ATG2A: variants seen among roughly 807,000 people sequenced by gnomAD.
The protein encoded by ATG2A is autophagy-related protein 2 homolog A.
In ATG2A, 103 loss-of-function variants were observed where a neutral mutation model predicts 214.2. The ratio of observed to expected loss-of-function variants is 0.48; its 90% CI spans 0.41 to 0.57. ATG2A has a LOEUF of 0.57. ATG2A is among the 20% of genes least tolerant of loss of function. The probability of loss-of-function intolerance (pLI) is 0.00; values close to 1 mark genes in which losing one functional copy is unlikely to be tolerated. For synonymous variants in ATG2A, 1,160 were observed against 1,142.1 expected (o/e 1.02, Z -0.32); for missense variants, 2,312 against 2,613.2 (o/e 0.88, Z 2.51).
intron 24 of ATG2A, among the ~76,000 whole-genome samples, chr11:64,904,819 TCTA>T (rs577266860): frequency 0.036 from 2,394 of 66,666 alleles, 37 homozygotes; most frequent in African/African-American, 0.051. Flanking sequence ...ATATTTTTTA[TCTA>T]TCTATCTATC....
intron 1 of ATG2A, 41 bp downstream of exon 1, chr11:64,916,924 C>A (rs1945011719): frequency 6.2e-7 from 1 of 1,607,526 alleles, no homozygotes; most frequent in Non-Finnish European, 8.5e-7. Flanking sequence ...CGCTGCGCTC[C>A]CACCCTCCGC....
rs777140977 is a variant in ATG2A, at chr11:64,910,712, G to A, written c.1615-4C>T. 1 of 1,610,338 alleles carries A rather than the reference G, an allele frequency of 6.2e-7. No individual in the cohort carries two copies. Among genetic ancestry groups the A allele is most frequent in the South Asian group, 1.1e-5 (1 of 90,496 alleles). On this transcript the variant is annotated splice_polypyrimidine_tract_variant and splice_region_variant and intron_variant, in intron 11 of 40. Coordinates refer to ENST00000377264, the MANE Select transcript of ATG2A (RefSeq NM_015104.3). Reference sequence around the variant, plus strand: ...GCGTACCAGGAAAGGTCAGGATCTGGGATGGGACCCGGGAGGCACACAGGG... The same window carrying A: ...GCGTACCAGGAAAGGTCAGGATCTGAGATGGGACCCGGGAGGCACACAGGG...
rs756820653 is a variant in ATG2A, at chr11:64,906,100, C to T, written c.3264+13G>A. 6.4e-7 allele frequency: 1 copy of T among 1,563,214 alleles called. No individual in the cohort carries two copies. Among genetic ancestry groups the T allele is most frequent in the Non-Finnish European group, 8.7e-7 (1 of 1,153,112 alleles). On this transcript the variant is annotated intron_variant, in intron 22 of 40. Transcript: ENST00000377264. ...GTCACTGGGCCATGTGGCTTCCCAC[C>T]ACCCACGCTCACCTGGGAATGCCAG...
At position 64,913,342 on chromosome 11, in the gene ATG2A, T is replaced by A. The variant is rs559890570; in HGVS notation, c.650A>T (p.His217Leu). ...CTTGTGCAGGAAGGCAGGCGGCTGA[T>A]GCACGTCCACCGGCGGCGCCTGGCT... Reference protein sequence around the residue: ...DPSQAPPVDVHQPPAFLHKLL... With the variant: ...DPSQAPPVDVLQPPAFLHKLL... Residue 217 changes from histidine (H) to leucine (L), a missense_variant, in exon 5 of 41, where the codon CAT becomes CTT. Transcript: ENST00000377264. This position sits in a 1 kb window ranked among gnomAD's most constrained non-coding sequence, Gnocchi z 4.3. The A allele has an allele frequency of 3.7e-6, 6 of 1,606,358 alleles. No individual in the cohort carries two copies. Among genetic ancestry groups the A allele is most frequent in the Non-Finnish European group, 5.1e-6 (6 of 1,177,576 alleles).
chr11:64,896,874 C>G lies in ATG2A; in HGVS notation c.5151-5G>C, dbSNP rs1944170927. 1 of 1,613,280 alleles carries G rather than the reference C, an allele frequency of 6.2e-7. No individual in the cohort carries two copies. Among genetic ancestry groups the G allele is most frequent in the Non-Finnish European group, 8.5e-7 (1 of 1,179,438 alleles). Reference sequence around the variant, plus strand: ...ACCTTGTCCACACCCAGGAGCCTGGCAGGGCAGGGAGGTGAGGAGGCAGAA... The same window carrying G: ...ACCTTGTCCACACCCAGGAGCCTGGGAGGGCAGGGAGGTGAGGAGGCAGAA... On this transcript the variant is annotated splice_polypyrimidine_tract_variant and splice_region_variant and intron_variant, in intron 37 of 40. Transcript: ENST00000377264.
chr11:64,912,428 G>T lies in ATG2A; in HGVS notation c.826-5C>A. 1 of 1,546,188 alleles carries T rather than the reference G, an allele frequency of 6.5e-7. No individual in the cohort carries two copies. The stretch of plus-strand genomic sequence containing the variant: ...CAGCTGTCCCGCCACCTCCAACTGG[G>T]GGCCAAGGAGGCAGCCATGGAGCCT... On this transcript the variant is annotated splice_polypyrimidine_tract_variant and splice_region_variant and intron_variant, in intron 6 of 40. Transcript: ENST00000377264.
At chr11:64,904,259 A>G (rs1238006728) in intron 24 of ATG2A, among the ~76,000 whole-genome samples, 2 of 147,778 alleles carry the variant, frequency 1.4e-5, no homozygotes, top group Non-Finnish European at 3.0e-5. Flanking sequence ...AAGAAATAAT[A>G]ATAAGGGCTG....
chr11:64,905,925 C>T (rs1944529402), intron 22 of ATG2A, 77 bp from the exon 23 acceptor site: 1 of 1,458,364 alleles, frequency 6.9e-7, no homozygotes, highest in Non-Finnish European at 9.5e-7. Flanking sequence ...CTGTCCTGGC[C>T]CCTGCCTGGC....
chr11:64,909,471 C>T, intron 14 of ATG2A, 104 bp from the exon 15 acceptor site: 3 of 1,397,216 alleles, frequency 2.1e-6, no homozygotes, highest in Non-Finnish European at 3.0e-6. Flanking sequence ...TCCACACACA[C>T]CTTGGTGGGC....
intron 39 of ATG2A, 58 bp downstream of exon 39, chr11:64,896,404 G>T: frequency 1.3e-6 from 2 of 1,544,214 alleles, no homozygotes; most frequent in Non-Finnish European, 1.8e-6. Flanking sequence ...GGGAGCTGTG[G>T]TGCAGAGGGC....
chr11:64,912,188 C>A lies in ATG2A; in HGVS notation c.984G>T (p.Trp328Cys). The A allele has an allele frequency of 6.2e-7, 1 of 1,613,936 alleles. No individual in the cohort carries two copies. The highest frequency in any genetic ancestry group is 8.5e-7 in the Non-Finnish European group (1 of 1,180,008). Residue 328 changes from tryptophan to cysteine, a missense_variant, in exon 8 of 41, where the codon TGG becomes TGT. By Grantham distance (215) the Trp-to-Cys change is radical. Transcript: ENST00000377264. ...KSRPLGAEDL[W>C]LIEQDLNQQL... Reference sequence around the variant, plus strand: ...GCTGGTTCAGGTCCTGCTCAATCAGCCACAGGTCTTCGGCACCTAGCGGGC... The same window carrying A: ...GCTGGTTCAGGTCCTGCTCAATCAGACACAGGTCTTCGGCACCTAGCGGGC...
chr11:64,907,527 AGCTTGAAG>A lies in ATG2A; in HGVS notation c.2637_2644del (p.Phe880GlyfsTer5). ...CCCAGCGTTAGCACCTCTCATACCCAGCTTGAAGGCTGACTTGCACATCTTAAAGCTGT... is the reference window on the plus strand; with the variant it reads ...CCCAGCGTTAGCACCTCTCATACCCAGCTGACTTGCACATCTTAAAGCTGT... On this transcript the variant is annotated frameshift_variant, in exon 18 of 41. Transcript: ENST00000377264. LOFTEE classifies it high-confidence loss of function. 1 of 1,607,332 alleles carries A rather than the reference AGCTTGAAG, an allele frequency of 6.2e-7. No homozygotes were observed.
In ATG2A at chr11:64,895,357, A is replaced by G. The variant is rs1944113380; in HGVS notation, c.5513T>C (p.Leu1838Pro). ...GTCGGCAGGCTGCTGGCCCCTGCGCAGCCTCCGCGCAGAGCGCTTATCCTG... is the reference window on the plus strand; with the variant it reads ...GTCGGCAGGCTGCTGGCCCCTGCGCGGCCTCCGCGCAGAGCGCTTATCCTG... ...SLQDKRSARRLRRGQQPADLR... is the reference protein window; with the variant it reads ...SLQDKRSARRPRRGQQPADLR... Residue 1838 changes from leucine (L) to proline (P), a missense_variant, in exon 40 of 41, where the codon CTG becomes CCG. By Grantham distance (98) the Leu-to-Pro change is moderately conservative (BLOSUM62 -3). Coordinates refer to ENST00000377264, the MANE Select transcript of ATG2A (RefSeq NM_015104.3). The surrounding 1 kb of genome is among the most constrained non-coding windows in gnomAD (Gnocchi z 5.0). The G allele has an allele frequency of 1.9e-6, 3 of 1,612,914 alleles. No homozygotes were observed. The highest frequency in any genetic ancestry group is 1.3e-5 in the African/African-American group (1 of 74,908).
rs748027050 is a variant in ATG2A at position 64,900,456 on chromosome 11, GAC to G, written c.4464+36_4464+37del. 9 of 1,612,134 alleles carry G rather than the reference GAC, an allele frequency of 5.6e-6. No individual in the cohort carries two copies. In the South Asian group the frequency reaches 9.9e-5, roughly 18 times the overall value. On this transcript the variant is annotated intron_variant, in intron 31 of 40. Transcript: ENST00000377264. The stretch of plus-strand genomic sequence containing the variant: ...TCGAGAACAAGGCCCGTTGTTCTAT[GAC>G]ACACACGTGTAGTAGGCACTCGCCA...
chr11:64,901,854 C>G, intron 29 of ATG2A, 108 bp downstream of exon 29: 1 of 1,317,976 alleles, frequency 7.6e-7, no homozygotes, highest in Non-Finnish European at 1.1e-6. Flanking sequence ...GCCTGCTTCT[C>G]TCACCACGGG....
At chr11:64,916,940 C>G in intron 1 of ATG2A, 25 bp downstream of exon 1, 1 of 1,611,370 alleles carries the variant, frequency 6.2e-7, no homozygotes, top group East Asian at 2.2e-5. Flanking sequence ...TCCGCACCTT[C>G]CTGGACTCGG....
chr11:64,906,734 G>T lies in ATG2A; in HGVS notation c.2914C>A (p.Gln972Lys). Residue 972 changes from glutamine (Q) to lysine (K), a missense_variant, in exon 20 of 41, where the codon CAG becomes AAG. Physicochemically the swap from Gln to Lys is moderately conservative, Grantham distance 53. Coordinates refer to ENST00000377264, the MANE Select transcript of ATG2A (RefSeq NM_015104.3). ...CCAAGTCCTGGCTGGCCACAGTACT[G>T]GGAGACGCTGAAGAGGGTACCGTGC... ...MEHGTLFSVS[Q>K]YCGQPGLGYF... 6.2e-7 allele frequency: 1 copy of T among 1,613,684 alleles called. No individual in the cohort carries two copies. Among genetic ancestry groups the T allele is most frequent in the Non-Finnish European group, 8.5e-7 (1 of 1,180,012 alleles).
chr11:64,909,438 C>T (rs1007127762), intron 14 of ATG2A, 71 bp from the exon 15 acceptor site: 24 of 1,511,272 alleles, frequency 1.6e-5, no homozygotes, highest in East Asian at 4.6e-5. Flanking sequence ...ATGCCCAGGT[C>T]GGCTCAGAGC....
At chr11:64,911,665 G>C (rs925771732) in intron 9 of ATG2A, among the ~76,000 whole-genome samples, 177 bp downstream of exon 9, 2 of 152,172 alleles carry the variant, frequency 1.3e-5, no homozygotes, top group African/African-American at 2.4e-5. Flanking sequence ...GAAAAACCTA[G>C]GCTCTGTCCA....
Sources: gnomAD v4.1 joint callset for allele counts (sites outside exome capture counted in the v4.1 genomes callset) on GRCh38, gnomAD v4.1.1 for gene constraint, Gnocchi (gnomAD v3.1) non-coding constraint, MANE v1.5 for transcripts, NCBI Gene and HGNC (gene_info 2026-07-23, HGNC 2026-07-21) for gene names.